TTC7B: variants seen among roughly 807,000 people sequenced by gnomAD.
The protein encoded by TTC7B is tetratricopeptide repeat protein 7B.
Under a neutral mutation model 106.8 loss-of-function variants are expected in TTC7B, and 28 were observed. The observed-to-expected ratio is 0.26, with a 90% CI of 0.19 to 0.36. TTC7B has a LOEUF of 0.36. TTC7B is among the 10% of genes least tolerant of loss of function. The pLI, the probability that TTC7B is intolerant of heterozygous loss-of-function variation, is 1.00. For missense variants in TTC7B, 862 were observed against 1,076.4 expected (o/e 0.80, Z 2.79); for synonymous variants, 405 against 430.6 (o/e 0.94, Z 0.74).
chr14:90,771,325 G>A (rs1246833209), intron 3 of TTC7B, among the ~76,000 whole-genome samples: 2 of 152,154 alleles, frequency 1.3e-5, no homozygotes, highest in South Asian at 2.1e-4. Context: ...GCCCGGCACC[G>A]TGGCTCACGT....
chr14:90,624,453 A>T lies in TTC7B; in HGVS notation c.1752-6408T>A, dbSNP rs1884350889. Among the ~76,000 whole-genome samples, 1 of 152,252 alleles carries T rather than the reference A, an allele frequency of 6.6e-6. No homozygotes were observed. The highest frequency in any genetic ancestry group is 1.9e-4 in the East Asian group (1 of 5,164). ...GTGTCTCATGCCATTCCCCAGGAAGACTTCGCTGACTCGCTGGAAACTGCT... is the reference window on the plus strand; with the variant it reads ...GTGTCTCATGCCATTCCCCAGGAAGTCTTCGCTGACTCGCTGGAAACTGCT... On this transcript the variant is annotated intron_variant, in intron 15 of 19. Coordinates refer to ENST00000328459, the MANE Select transcript of TTC7B (RefSeq NM_001010854.2). The surrounding 1 kb of genome is among the most constrained non-coding windows in gnomAD (Gnocchi z 4.0).
intron 15 of TTC7B, among the ~76,000 whole-genome samples, chr14:90,632,946 G>T (rs1200893888): frequency 6.6e-6 from 1 of 152,182 alleles, no homozygotes; most frequent in Non-Finnish European, 1.5e-5. Flanking sequence ...TTAAATGAAT[G>T]AATGTTATAT....
chr14:90,586,861 G>A (rs1376206055), intron 18 of TTC7B, among the ~76,000 whole-genome samples: 2 of 152,080 alleles, frequency 1.3e-5, no homozygotes, highest in Non-Finnish European at 2.9e-5. Flanking sequence ...TCTTCCCCAG[G>A]CTTCCTCATT....
intron 5 of TTC7B, among the ~76,000 whole-genome samples, chr14:90,728,337 CAAAAAAAAA>C (rs35504744): frequency 7.5e-5 from 3 of 40,038 alleles, no homozygotes; most frequent in Non-Finnish European, 1.2e-4. Flanking sequence ...GTCCCCCCCG[CAAAAAAAAA>C]AAAAAAAAAA....
At chr14:90,551,612 T>C (rs1595150973) in intron 19 of TTC7B, among the ~76,000 whole-genome samples, 1 of 152,198 alleles carries the variant, frequency 6.6e-6, no homozygotes, top group Non-Finnish European at 1.5e-5. Context: ...GCAGCGGTAG[T>C]GTTTTCAAAA....
rs1306472045 is a variant in TTC7B at position 90,802,691 on chromosome 14, G to C, written c.121+13484C>G. ...AGCGGCGGTGCTCCTCCCGGTCTTT[G>C]GTCACCATTTGCAAGTAGTCAACAG... is the stretch of plus-strand genomic sequence containing the variant. On this transcript the variant is annotated intron_variant, in intron 1 of 19. Coordinates refer to ENST00000328459, the MANE Select transcript of TTC7B (RefSeq NM_001010854.2). The surrounding 1 kb of genome is among the most constrained non-coding windows in gnomAD (Gnocchi z 4.7). Among the ~76,000 whole-genome samples, 1 of 152,064 alleles carries C rather than the reference G, an allele frequency of 6.6e-6. No homozygotes were observed. Among genetic ancestry groups the C allele is most frequent in the East Asian group, 1.9e-4 (1 of 5,164 alleles).
At chr14:90,798,709 CAAAAAAA>C (rs36223089) in intron 1 of TTC7B, among the ~76,000 whole-genome samples, 3,556 of 52,362 alleles carry the variant, frequency 0.068, 179 homozygotes, top group African/African-American at 0.2. Context: ...GACTCCATCT[CAAAAAAA>C]AAAAAAAAAA....
At chr14:90,647,666 T>G (rs1157446973) in intron 13 of TTC7B, among the ~76,000 whole-genome samples, 4 of 152,210 alleles carry the variant, frequency 2.6e-5, no homozygotes, top group African/African-American at 9.7e-5. Context: ...AACTGGCCTT[T>G]GACGTCAGAC....
At chr14:90,619,171 G>A (rs536111443) in intron 15 of TTC7B, among the ~76,000 whole-genome samples, 5 of 152,316 alleles carry the variant, frequency 3.3e-5, no homozygotes, top group African/African-American at 9.6e-5. Context: ...TTATAGGCAT[G>A]AGCCACCGCT....
At chr14:90,572,476 A>G (rs1470864871) in intron 19 of TTC7B, among the ~76,000 whole-genome samples, 1 of 152,234 alleles carries the variant, frequency 6.6e-6, no homozygotes, top group Non-Finnish European at 1.5e-5. Flanking sequence ...TGCATTTTTC[A>G]AACAGCTCGG....
chr14:90,771,452 G>A (rs947016345), intron 3 of TTC7B, among the ~76,000 whole-genome samples: 10 of 152,110 alleles, frequency 6.6e-5, no homozygotes, highest in Non-Finnish European at 7.3e-5. Context: ...AAATTAACCA[G>A]GTGTGGTGGC....
chr14:90,701,512 C>A (rs1479188158), intron 5 of TTC7B, among the ~76,000 whole-genome samples: 2 of 152,024 alleles, frequency 1.3e-5, no homozygotes, highest in Non-Finnish European at 2.9e-5. Context: ...AGTGGCCAGA[C>A]TGCTCTGACA....
chr14:90,535,257 C>G lies in TTC7B; in HGVS notation c.*6111G>C, dbSNP rs950437163. On this transcript the variant is annotated 3_prime_UTR_variant, in exon 20 of 20. Transcript: ENST00000328459. Reference sequence around the variant, plus strand: ...CGGCCACACCTGCCCAGGCCCCCAGCCTGGCTCTGTCCTGAGATCCTCTTG... The same window carrying G: ...CGGCCACACCTGCCCAGGCCCCCAGGCTGGCTCTGTCCTGAGATCCTCTTG... 2.0e-5 allele frequency: 3 copies of G among 152,404 alleles called. No individual in the cohort carries two copies. Among genetic ancestry groups the G allele is most frequent in the African/African-American group, 7.2e-5 (3 of 41,452 alleles). 9.4% of individuals were successfully genotyped at this position (152,404 alleles called of 1,614,324 possible).
chr14:90,781,332 G>A (rs929998246), intron 2 of TTC7B, among the ~76,000 whole-genome samples: 3 of 152,142 alleles, frequency 2.0e-5, no homozygotes, highest in Non-Finnish European at 4.4e-5. Flanking sequence ...GGTTTCTTTG[G>A]GAGGTGATGA....
intron 3 of TTC7B, among the ~76,000 whole-genome samples, chr14:90,774,304 G>A (rs1428123054): frequency 6.6e-6 from 1 of 152,232 alleles, no homozygotes; most frequent in Admixed American, 6.5e-5. Context: ...GAGCCCTGAA[G>A]CCAGCTGCCA....
rs1344036202 is a variant in TTC7B at position 90,786,268 on chromosome 14, G to A, written c.182C>T (p.Pro61Leu). ...TCGGGGACTGGCCCCCTGCCTCAGG[G>A]GGTGTTCCTTCAGGTACTGCTCCAG... ...SKLEQYLKEH[P>L]LRQGASPRGP... Residue 61 changes from proline (P) to leucine (L), a missense_variant, in exon 2 of 20, where the codon CCC (proline) becomes CTC (leucine). Coordinates refer to ENST00000328459, the MANE Select transcript of TTC7B (RefSeq NM_001010854.2). The A allele has an allele frequency of 6.2e-7, 1 of 1,613,024 alleles. No individual in the cohort carries two copies. Among genetic ancestry groups the A allele is most frequent in the Non-Finnish European group, 8.5e-7 (1 of 1,179,558 alleles).
chr14:90,801,778 G>C (rs911659149), intron 1 of TTC7B, among the ~76,000 whole-genome samples: 1 of 152,136 alleles, frequency 6.6e-6, no homozygotes, highest in Non-Finnish European at 1.5e-5. Flanking sequence ...CTGGAGCGCC[G>C]GGCACGGTGG....
chr14:90,707,681 A>C (rs778295487), intron 5 of TTC7B, among the ~76,000 whole-genome samples: 10 of 152,238 alleles, frequency 6.6e-5, no homozygotes, highest in Non-Finnish European at 1.3e-4. Flanking sequence ...TCTGGATAGA[A>C]GATTAAAGCA....
intron 5 of TTC7B, among the ~76,000 whole-genome samples, chr14:90,726,816 A>G (rs780876202): frequency 2.6e-5 from 4 of 152,204 alleles, no homozygotes; most frequent in Non-Finnish European, 5.9e-5. Flanking sequence ...CGGAGCCTCA[A>G]CAAGATGTTT....
Sources: gnomAD v4.1 joint callset for allele counts (sites outside exome capture counted in the v4.1 genomes callset) on GRCh38, gnomAD v4.1.1 for gene constraint, Gnocchi (gnomAD v3.1) non-coding constraint, MANE v1.5 for transcripts, NCBI Gene and HGNC (gene_info 2026-07-23, HGNC 2026-07-21) for gene names.